The following RBFOX3 variants were observed in gnomAD, a reference collection of about 807,000 sequenced individuals.
The protein encoded by RBFOX3 is RNA binding protein fox-1 homolog 3.
A neutral mutation model predicts 48.7 loss-of-function variants in RBFOX3; 17 were observed. The observed-to-expected ratio is 0.35, with a 90% CI of 0.24 to 0.52. The LOEUF is 0.52. Among genes scored for constraint, RBFOX3 ranks in the 20% least tolerant of loss-of-function variants. The pLI, the probability that RBFOX3 is intolerant of heterozygous loss-of-function variation, is 0.94. For synonymous variants in RBFOX3, 212 were observed against 209.5 expected (o/e 1.01, Z -0.10); for missense variants, 382 against 497.5 (o/e 0.77, Z 2.21).
rs2076589280 is a variant in RBFOX3, at chr17:79,468,391, T to C, written c.-175+14063A>G. On this transcript the variant is annotated intron_variant, in intron 2 of 14. Transcript: ENST00000693108. ...GATGATGGATGGATGCATAGACAGA[T>C]GATGGATGGATGGACAGGTAGGTAG... is the stretch of plus-strand genomic sequence containing the variant. Among the ~76,000 whole-genome samples the C allele has an allele frequency of 2.6e-5, 4 of 151,786 alleles. No individual in the cohort carries two copies. The South Asian group carries it at 6.3e-4, about 24-fold the overall frequency.
upstream of RBFOX3, among the ~76,000 whole-genome samples, chr17:79,611,297 G>A (rs2093968014): frequency 7.3e-6 from 1 of 137,604 alleles, no homozygotes; most frequent in African/African-American, 3.5e-5. Flanking sequence ...CTCGAGCGGA[G>A]CGCGCAGCGC....
the RBFOX3 span, among the ~76,000 whole-genome samples, chr17:79,641,385 A>G: frequency 6.6e-6 from 1 of 152,220 alleles, no homozygotes; most frequent in African/African-American, 2.4e-5. Context: ...TAGGGAAAAC[A>G]GTATGGAGTC....
intron 2 of RBFOX3, among the ~76,000 whole-genome samples, chr17:79,437,418 C>T (rs1555731839): frequency 6.6e-6 from 1 of 152,210 alleles, no homozygotes; most frequent in Non-Finnish European, 1.5e-5. Context: ...TGCGGGAAAG[C>T]CCATAGCACC....
At chr17:79,445,566 C>T (rs2149073319) in intron 2 of RBFOX3, among the ~76,000 whole-genome samples, 1 of 152,336 alleles carries the variant, frequency 6.6e-6, no homozygotes. Flanking sequence ...TCTCTCCCCA[C>T]ACCCTCCTCC....
intron 1 of RBFOX3, among the ~76,000 whole-genome samples, chr17:79,503,813 A>G (rs2082695142): frequency 6.6e-6 from 1 of 152,170 alleles, no homozygotes; most frequent in Admixed American, 6.5e-5. Context: ...CAGCTCCTCC[A>G]CACCAGCCAC....
intron 4 of RBFOX3, among the ~76,000 whole-genome samples, chr17:79,194,428 G>A (rs1599906394): frequency 6.6e-6 from 1 of 152,228 alleles, no homozygotes; most frequent in Admixed American, 6.5e-5. Flanking sequence ...CCAACATGGT[G>A]AAACCCTGTC....
At chr17:79,350,959 T>C (rs779716460) in intron 2 of RBFOX3, among the ~76,000 whole-genome samples, 4 of 152,196 alleles carry the variant, frequency 2.6e-5, no homozygotes, top group African/African-American at 4.8e-5. Context: ...TCTAATCCAC[T>C]TTCTTTCTCT....
intron 4 of RBFOX3, among the ~76,000 whole-genome samples, chr17:79,148,574 T>C (rs1041690636): frequency 6.6e-6 from 1 of 152,238 alleles, no homozygotes; most frequent in Non-Finnish European, 1.5e-5. Flanking sequence ...TGAACTTCTC[T>C]GGGTATCCGC....
At chr17:79,245,040 C>T (rs1003955372) in intron 3 of RBFOX3, among the ~76,000 whole-genome samples, 1 of 149,270 alleles carries the variant, frequency 6.7e-6, no homozygotes, top group Non-Finnish European at 1.5e-5. Context: ...TCTCCCTCCC[C>T]TCCCCTTCCC....
At chr17:79,417,110 C>A (rs2065500256) in intron 2 of RBFOX3, among the ~76,000 whole-genome samples, 1 of 152,198 alleles carries the variant, frequency 6.6e-6, no homozygotes, top group Non-Finnish European at 1.5e-5. Flanking sequence ...AAGGGGCAGC[C>A]AGGTGTTCTG....
rs927338191 is a variant in RBFOX3, at chr17:79,469,792, G to T, written c.-175+12662C>A. On this transcript the variant is annotated intron_variant, in intron 2 of 14. Coordinates refer to ENST00000693108, the MANE Select transcript of RBFOX3 (RefSeq NM_001350451.2). ...TGCTCACGTGCAGTCAGAAGAACAC[G>T]CATGAAGGAGAGCGCTCATGAGGGA... Among the ~76,000 whole-genome samples, 3 of 152,214 alleles carry T rather than the reference G, an allele frequency of 2.0e-5. No homozygotes were observed. The South Asian group carries it at 6.2e-4, about 32-fold the overall frequency.
At chr17:79,632,045 G>A in the RBFOX3 span, among the ~76,000 whole-genome samples, 18 of 152,318 alleles carry the variant, frequency 1.2e-4, no homozygotes, top group Non-Finnish European at 1.9e-4. Context: ...GGCAGGCTGC[G>A]CAGGGAGACA....
rs139324959 is a variant in RBFOX3 at position 79,384,285 on chromosome 17, C to T, written c.-174-76461G>A. On this transcript the variant is annotated intron_variant, in intron 2 of 14. Coordinates refer to ENST00000693108, the MANE Select transcript of RBFOX3 (RefSeq NM_001350451.2). ...CCAGGAGGCCGCACTGCCAGGCACT[C>T]TCTGTAGGTCTGTTCAGAGGGAGCT... 3.9e-3 allele frequency among the ~76,000 whole-genome samples: 593 copies of T among 152,262 alleles called. 1 individual carries two copies. The highest frequency in any genetic ancestry group is 7.2e-3 in the Non-Finnish European group (490 of 68,018).
intron 3 of RBFOX3, among the ~76,000 whole-genome samples, chr17:79,250,476 G>A (rs1459325330): frequency 1.3e-5 from 2 of 152,216 alleles, no homozygotes; most frequent in African/African-American, 2.4e-5. Context: ...TTTTGTTGTA[G>A]GAGGAGTTCC....
At chr17:79,239,574 A>C (rs1020778522) in intron 3 of RBFOX3, among the ~76,000 whole-genome samples, 2 of 152,188 alleles carry the variant, frequency 1.3e-5, no homozygotes, top group African/African-American at 4.8e-5. Flanking sequence ...CACTGCCCCC[A>C]GGAGACGGCG....
intron 3 of RBFOX3, among the ~76,000 whole-genome samples, chr17:79,282,846 T>G (rs117523520): frequency 0.035 from 5,403 of 152,374 alleles, 137 homozygotes; most frequent in Non-Finnish European, 0.048. Context: ...AGAAAGAGGC[T>G]GGTCTACTGG....
intron 13 of RBFOX3, 84 bp downstream of exon 13, chr17:79,095,429 T>C: frequency 7.7e-7 from 1 of 1,292,060 alleles, no homozygotes. Context: ...TTACGCCTCC[T>C]GCCTGTCTGG....
At chr17:79,164,494 C>T (rs1174796158) in intron 4 of RBFOX3, among the ~76,000 whole-genome samples, 1 of 152,184 alleles carries the variant, frequency 6.6e-6, no homozygotes, top group Admixed American at 6.5e-5. Flanking sequence ...TTCACCCCTT[C>T]AGTCTTGGGG....
intron 6 of RBFOX3, among the ~76,000 whole-genome samples, chr17:79,104,562 T>A (rs890874519): frequency 2.0e-5 from 3 of 152,008 alleles, no homozygotes; most frequent in Non-Finnish European, 4.4e-5. Flanking sequence ...GGGGATAGGG[T>A]ACCCAAGGCA....
Sources: gnomAD v4.1 joint callset for allele counts (sites outside exome capture counted in the v4.1 genomes callset) on GRCh38, gnomAD v4.1.1 for gene constraint, MANE v1.5 for transcripts, NCBI Gene and HGNC (gene_info 2026-07-23, HGNC 2026-07-21) for gene names.